The following STK40 variants were observed in gnomAD, a reference collection of about 807,000 sequenced individuals.
STK40 encodes serine/threonine-protein kinase 40.
STK40 carries 13 observed loss-of-function variants against 47.9 expected under a neutral mutation model. The observed-to-expected ratio is 0.27, with a 90% CI of 0.18 to 0.43. The LOEUF (loss-of-function observed/expected upper bound fraction) is 0.43, where lower values mean the gene tolerates loss of function less well. Ranked by LOEUF, STK40 falls within the 20% of genes least tolerant of loss-of-function variation. The probability of loss-of-function intolerance (pLI) is 1.00; values close to 1 mark genes in which losing one functional copy is unlikely to be tolerated. For synonymous variants in STK40, 225 were observed against 243.2 expected (o/e 0.93, Z 0.69); for missense variants, 460 against 595.1 (o/e 0.77, Z 2.36).
At chr1:36,356,737 C>T (rs547042151) in intron 4 of STK40, among the ~76,000 whole-genome samples, 12 of 152,226 alleles carry the variant, frequency 7.9e-5, no homozygotes, top group African/African-American at 2.6e-4. Flanking sequence ...CACATTTCTT[C>T]TTAAGAGCAG....
At position 36,340,497 on chromosome 1, in the gene STK40, G is replaced by C. The variant is rs1478911530; in HGVS notation, c.*1258C>G. ...ACACTCAGCCTCTCTGAGGACATAT[G>C]GGGGGTAGGCCTCTGGGGAAGGGTC... On this transcript the variant is annotated 3_prime_UTR_variant, in exon 11 of 11. Transcript: ENST00000373132. The C allele has an allele frequency of 6.5e-6, 1 of 152,924 alleles. No individual in the cohort carries two copies. Among genetic ancestry groups the C allele is most frequent in the East Asian group, 1.9e-4 (1 of 5,164 alleles). The allele number at this position is 152,924 out of a possible 1,614,324, so 9.5% of individuals were successfully genotyped here. A position where few individuals can be genotyped will look rare whatever the true frequency, so the allele number is the denominator to read the frequency against.
At chr1:36,361,114 G>T in intron 2 of STK40, 107 bp downstream of exon 2, 1 of 1,332,030 alleles carries the variant, frequency 7.5e-7, no homozygotes, top group Non-Finnish European at 1.1e-6. Flanking sequence ...ACACACTGCT[G>T]TGGGTGGGCC....
At chr1:36,342,088 G>A in intron 10 of STK40, 115 bp from the exon 11 acceptor site, 1 of 995,632 alleles carries the variant, frequency 1.0e-6, no homozygotes. Context: ...CACCCTTCCA[G>A]GCACCACACC....
intron 10 of STK40, chr1:36,343,129 C>A: frequency 6.1e-6 from 4 of 657,172 alleles, no homozygotes; most frequent in Non-Finnish European, 1.1e-5. Flanking sequence ...GGCTCCAGCT[C>A]GGCTGTCTCA....
chr1:36,366,696 T>C (rs1286453178), intron 1 of STK40, among the ~76,000 whole-genome samples: 1 of 152,148 alleles, frequency 6.6e-6, no homozygotes, highest in Non-Finnish European at 1.5e-5. Flanking sequence ...TCAGGAAGAC[T>C]GGGAGCCCAG....
chr1:36,348,839 C>T (rs1646727054), intron 6 of STK40, 24 bp from the exon 7 acceptor site: 2 of 1,571,504 alleles, frequency 1.3e-6, no homozygotes, highest in South Asian at 1.2e-5. Flanking sequence ...ACAGAGTGAA[C>T]AAACCTCAGT....
At position 36,341,669 on chromosome 1, in the gene STK40, G is replaced by A; in HGVS notation, c.*86C>T. The A allele has an allele frequency of 6.6e-7, 1 of 1,517,584 alleles. No individual in the cohort carries two copies. The highest frequency in any genetic ancestry group is 1.8e-5 in the Admixed American group (1 of 57,000). 94.0% of individuals were successfully genotyped at this position (1,517,584 alleles called of 1,614,324 possible). On this transcript the variant is annotated 3_prime_UTR_variant, in exon 11 of 11. Coordinates refer to ENST00000373132, the MANE Select transcript of STK40 (RefSeq NM_001282547.2). ...CCCTATTGTGGCCCGGGAGAGTCCA[G>A]CACTACAGGGCCCAGCCCTGACAGC...
chr1:36,376,768 A>G (rs1646995633), intron 1 of STK40, among the ~76,000 whole-genome samples: 1 of 151,772 alleles, frequency 6.6e-6, no homozygotes, highest in African/African-American at 2.4e-5. Context: ...GATTATACAC[A>G]CTTTTGAATA....
chr1:36,361,544 T>G (rs956900554), intron 1 of STK40, among the ~76,000 whole-genome samples: 1 of 152,092 alleles, frequency 6.6e-6, no homozygotes, highest in Non-Finnish European at 1.5e-5. Context: ...ATGCTAAAGG[T>G]GGACATCCTT....
chr1:36,382,104 C>G (rs1647044243), intron 1 of STK40, among the ~76,000 whole-genome samples: 1 of 152,122 alleles, frequency 6.6e-6, no homozygotes, highest in Non-Finnish European at 1.5e-5. Context: ...CCTCTTGATG[C>G]TGCTTATTCA....
intron 7 of STK40, among the ~76,000 whole-genome samples, chr1:36,347,169 C>T (rs1389975559): frequency 1.3e-5 from 2 of 152,162 alleles, no homozygotes; most frequent in Non-Finnish European, 2.9e-5. Flanking sequence ...GCTTGTATTA[C>T]AGCAGCCTGC....
At chr1:36,344,090 C>T (rs746248511) in intron 8 of STK40, 30 bp downstream of exon 8, 66 of 1,578,560 alleles carry the variant, frequency 4.2e-5, no homozygotes, top group East Asian at 2.9e-4. Context: ...GGCTGGCTGC[C>T]CCCCCCACCC....
chr1:36,366,962 G>A (rs1399124433), intron 1 of STK40, among the ~76,000 whole-genome samples: 1 of 149,820 alleles, frequency 6.7e-6, no homozygotes, highest in Non-Finnish European at 1.5e-5. Context: ...AGCCTCCCAA[G>A]TACCTGAGAT....
intron 1 of STK40, among the ~76,000 whole-genome samples, chr1:36,373,102 T>C (rs1646964697): frequency 6.6e-6 from 1 of 152,132 alleles, no homozygotes; most frequent in Admixed American, 6.6e-5. Flanking sequence ...CACTCACTTA[T>C]TTTGTGACTC....
intron 5 of STK40, 70 bp from the exon 6 acceptor site, chr1:36,354,486 T>TG (rs1557510874): frequency 1.3e-6 from 2 of 1,535,718 alleles, no homozygotes; most frequent in South Asian, 2.2e-5. Context: ...CCCTGTAAGA[T>TG]GGGGGCTCTC....
chr1:36,343,190 C>G (rs1310545124), intron 10 of STK40, 174 bp downstream of exon 10: 1 of 771,770 alleles, frequency 1.3e-6, no homozygotes, highest in Non-Finnish European at 2.3e-6. Flanking sequence ...AAGGCAGGCC[C>G]CAGGCAGCTC....
chr1:36,370,666 AG>A lies in STK40; in HGVS notation c.-8-9327del, dbSNP rs1482583950. Among the ~76,000 whole-genome samples the A allele has an allele frequency of 5.3e-5, 8 of 152,282 alleles. No homozygotes were observed. In the East Asian group the frequency reaches 1.5e-3, roughly 29 times the overall value. ...GTGAATTTCAGACTTAAAACCTGCAAGGGCGGCTCACACTCTCAGATTAACT... is the reference window on the plus strand; with the variant it reads ...GTGAATTTCAGACTTAAAACCTGCAAGGCGGCTCACACTCTCAGATTAACT... On this transcript the variant is annotated intron_variant, in intron 1 of 10. Transcript: ENST00000373132.
At chr1:36,370,655 TA>T (rs911338472) in intron 1 of STK40, among the ~76,000 whole-genome samples, 3 of 152,114 alleles carry the variant, frequency 2.0e-5, no homozygotes, top group Non-Finnish European at 4.4e-5. Context: ...ATTTCAGACT[TA>T]AAACCTGCAA....
chr1:36,367,657 G>C (rs1646913808), intron 1 of STK40, among the ~76,000 whole-genome samples: 1 of 151,932 alleles, frequency 6.6e-6, no homozygotes. Context: ...AATCTCCATA[G>C]GGATGAGGGG....
Sources: gnomAD v4.1 joint callset for allele counts (sites outside exome capture counted in the v4.1 genomes callset) on GRCh38, gnomAD v4.1.1 for gene constraint, MANE v1.5 for transcripts, NCBI Gene and HGNC (gene_info 2026-07-23, HGNC 2026-07-21) for gene names.